The following SYNDIG1 variants were observed in gnomAD, a reference collection of about 807,000 sequenced individuals.
SYNDIG1 encodes synapse differentiation inducing 1.
SYNDIG1 carries 9 observed loss-of-function variants against 19.4 expected under a neutral mutation model. That is an observed-to-expected ratio of 0.46 (90% confidence interval 0.28 to 0.81). The LOEUF (loss-of-function observed/expected upper bound fraction) is 0.81. Ranked by LOEUF, SYNDIG1 falls within the 30% of genes least tolerant of loss-of-function variation. The probability of loss-of-function intolerance (pLI) is 0.12; values close to 1 mark genes in which losing one functional copy is unlikely to be tolerated. For synonymous variants in SYNDIG1, 141 were observed against 145.9 expected, an observed-to-expected ratio of 0.97 and a Z score of 0.24; for missense variants, 311 against 343.3, an observed-to-expected ratio of 0.91 and a Z score of 0.74.
chr20:24,602,348 G>A (rs578178783), intron 3 of SYNDIG1, among the ~76,000 whole-genome samples: 99 of 152,228 alleles, frequency 6.5e-4, no homozygotes, highest in African/African-American at 2.3e-3. Context: ...CAGCACATAC[G>A]GCACAAAAAA....
intron 3 of SYNDIG1, among the ~76,000 whole-genome samples, chr20:24,653,481 G>A (rs559273094): frequency 6.6e-6 from 1 of 152,294 alleles, no homozygotes; most frequent in East Asian, 1.9e-4. Flanking sequence ...CCCAGCAGGA[G>A]ACCAGTCAGA....
At chr20:24,657,069 C>A (rs1252367900) in intron 3 of SYNDIG1, among the ~76,000 whole-genome samples, 1 of 152,208 alleles carries the variant, frequency 6.6e-6, no homozygotes, top group Non-Finnish European at 1.5e-5. Context: ...TCCCTGAGGC[C>A]TCCCCGGAAG....
chr20:24,484,277 G>GT (rs1237502523), intron 1 of SYNDIG1, among the ~76,000 whole-genome samples: 4 of 152,180 alleles, frequency 2.6e-5, no homozygotes, highest in Non-Finnish European at 5.9e-5. Flanking sequence ...AGCCAGAAGA[G>GT]TGGGGGGCCT....
At chr20:24,492,084 G>A (rs1018596914) in intron 1 of SYNDIG1, among the ~76,000 whole-genome samples, 2 of 152,218 alleles carry the variant, frequency 1.3e-5, no homozygotes, top group Non-Finnish European at 2.9e-5. Flanking sequence ...GAGGCCCCCG[G>A]CCGGCTCCGT....
chr20:24,524,383 C>G (rs998988765), intron 1 of SYNDIG1, among the ~76,000 whole-genome samples: 2 of 152,186 alleles, frequency 1.3e-5, no homozygotes, highest in South Asian at 4.1e-4. Flanking sequence ...GGGTGGCTCA[C>G]GCCAGTAATC....
At chr20:24,488,244 A>G (rs2056026172) in intron 1 of SYNDIG1, among the ~76,000 whole-genome samples, 1 of 152,232 alleles carries the variant, frequency 6.6e-6, no homozygotes, top group African/African-American at 2.4e-5. Flanking sequence ...AGTGTGGGAA[A>G]TAATTCAGCC....
chr20:24,480,228 A>C (rs1278381980), intron 1 of SYNDIG1, among the ~76,000 whole-genome samples: 1 of 152,248 alleles, frequency 6.6e-6, no homozygotes, highest in Non-Finnish European at 1.5e-5. Flanking sequence ...CGAAGATGAA[A>C]TATCTACAAG....
intron 3 of SYNDIG1, among the ~76,000 whole-genome samples, chr20:24,586,404 G>A (rs1171776344): frequency 6.6e-6 from 1 of 152,182 alleles, no homozygotes; most frequent in African/African-American, 2.4e-5. Context: ...GGTCTGGCAG[G>A]GCCTGGTGGC....
chr20:24,524,004 G>GT (rs1270340541), intron 1 of SYNDIG1, among the ~76,000 whole-genome samples: 1 of 152,190 alleles, frequency 6.6e-6, no homozygotes, highest in Non-Finnish European at 1.5e-5. Flanking sequence ...TGTTTCTGGA[G>GT]TAAATCTCTA....
At chr20:24,596,060 T>C (rs2058589704) in intron 3 of SYNDIG1, among the ~76,000 whole-genome samples, 1 of 152,180 alleles carries the variant, frequency 6.6e-6, no homozygotes, top group African/African-American at 2.4e-5. Flanking sequence ...GTTGTTAACT[T>C]GGGATCTTTC....
At chr20:24,639,512 C>G (rs1056307450) in intron 3 of SYNDIG1, among the ~76,000 whole-genome samples, 1 of 152,230 alleles carries the variant, frequency 6.6e-6, no homozygotes, top group Non-Finnish European at 1.5e-5. Flanking sequence ...CCCTGCCCTT[C>G]AGCTCCCTAG....
At chr20:24,494,188 G>A (rs2056236139) in intron 1 of SYNDIG1, among the ~76,000 whole-genome samples, 1 of 152,246 alleles carries the variant, frequency 6.6e-6, no homozygotes, top group African/African-American at 2.4e-5. Flanking sequence ...CTGGATCACT[G>A]AGTGCAGATT....
chr20:24,544,386 C>T (rs541385364), intron 2 of SYNDIG1, among the ~76,000 whole-genome samples: 1 of 152,164 alleles, frequency 6.6e-6, no homozygotes, highest in Non-Finnish European at 1.5e-5. Flanking sequence ...AAACACGTGC[C>T]AGGCTTTCCG....
At chr20:24,614,642 G>A (rs536784324) in intron 3 of SYNDIG1, among the ~76,000 whole-genome samples, 42 of 150,468 alleles carry the variant, frequency 2.8e-4, no homozygotes, top group African/African-American at 8.0e-4. Flanking sequence ...AAGGGGAGGG[G>A]AGGGGAAAGG....
intron 3 of SYNDIG1, among the ~76,000 whole-genome samples, chr20:24,636,251 C>T (rs552251469): frequency 5.6e-4 from 85 of 152,222 alleles, no homozygotes; most frequent in Non-Finnish European, 9.0e-4. Context: ...ATTGAAGCTG[C>T]GTCATTGTTT....
chr20:24,622,344 A>C (rs2059052430), intron 3 of SYNDIG1, among the ~76,000 whole-genome samples: 1 of 152,254 alleles, frequency 6.6e-6, no homozygotes, highest in South Asian at 2.1e-4. Flanking sequence ...ATGGAAAATA[A>C]AACAGAGCAG....
rs181853618 is a variant in SYNDIG1 at position 24,632,105 on chromosome 20, A to T, written c.619-33241A>T. Among the ~76,000 whole-genome samples, 6 of 152,274 alleles carry T rather than the reference A, an allele frequency of 3.9e-5. No homozygotes were observed. The East Asian group carries it at 1.2e-3, about 29-fold the overall frequency. ...AGAACTAGACTCATTCATCTCCCAG[A>T]TGTCTTTCTGTGGAAGTGGGGGCTG... is the stretch of plus-strand genomic sequence containing the variant. On this transcript the variant is annotated intron_variant, in intron 3 of 3. Coordinates refer to ENST00000376862, the MANE Select transcript of SYNDIG1 (RefSeq NM_024893.3).
intron 1 of SYNDIG1, among the ~76,000 whole-genome samples, chr20:24,493,692 G>C (rs1193568582): frequency 6.6e-6 from 1 of 152,234 alleles, no homozygotes. Context: ...ATGCTCAGTG[G>C]AGTTGGTGAG....
intron 3 of SYNDIG1, among the ~76,000 whole-genome samples, chr20:24,607,514 G>A (rs1408955808): frequency 6.6e-6 from 1 of 152,222 alleles, no homozygotes; most frequent in Non-Finnish European, 1.5e-5. Context: ...GGGCTAGGAA[G>A]AGCCTCGGCC....
Sources: allele counts gnomAD v4.1 joint callset (sites outside exome capture counted in the v4.1 genomes callset), GRCh38; gene constraint gnomAD v4.1.1; transcripts MANE v1.5; gene names NCBI Gene and HGNC (gene_info 2026-07-23, HGNC 2026-07-21).